RBFOX1: variants seen among roughly 807,000 people sequenced by gnomAD.
RBFOX1 encodes the protein RNA binding fox-1 homolog 1, also known as RNA binding protein fox-1 homolog 1.
Under a neutral mutation model 57.7 loss-of-function variants are expected in RBFOX1, and 8 were observed. That is an observed-to-expected ratio of 0.14 (90% CI 0.08 to 0.25). RBFOX1 has a LOEUF of 0.25. Ranked by LOEUF, RBFOX1 falls within the 10% of genes least tolerant of loss-of-function variation. The pLI is 1.00. For synonymous variants in RBFOX1, 326 were observed against 222.4 expected (o/e 1.47, Z -4.15); for missense variants, 611 against 548.5 (o/e 1.11, Z -1.14).
chr16:6,520,182 A>G (rs924431895), intron 2 of RBFOX1, among the ~76,000 whole-genome samples: 15 of 152,224 alleles, frequency 9.9e-5, no homozygotes, highest in African/African-American at 2.7e-4. Context: ...TCTTCTCTAA[A>G]TTAAAAGCTT....
At chr16:7,073,296 G>A (rs1267742605) in intron 4 of RBFOX1, among the ~76,000 whole-genome samples, 1 of 152,120 alleles carries the variant, frequency 6.6e-6, no homozygotes, top group Non-Finnish European at 1.5e-5. Flanking sequence ...GCTCTTTTCA[G>A]AAAATGTCAG....
chr16:5,960,037 C>A (rs146295412), intron 4 of RBFOX1, among the ~76,000 whole-genome samples: 4 of 152,060 alleles, frequency 2.6e-5, no homozygotes, highest in Non-Finnish European at 5.9e-5. Context: ...CCCGTCTCTA[C>A]TATAAATAAA....
At chr16:6,905,414 A>T (rs572022143) in intron 3 of RBFOX1, among the ~76,000 whole-genome samples, 3 of 152,068 alleles carry the variant, frequency 2.0e-5, no homozygotes, top group Non-Finnish European at 2.9e-5. Flanking sequence ...TTAACTGAGC[A>T]TGGTGGCACA....
At chr16:7,415,287 T>A (rs2098467562) in intron 4 of RBFOX1, among the ~76,000 whole-genome samples, 1 of 152,214 alleles carries the variant, frequency 6.6e-6, no homozygotes, top group Admixed American at 6.5e-5. Context: ...CAGGTACCAC[T>A]GGCTAGCATT....
chr16:5,602,377 C>G (rs1371429730), downstream of RBFOX1, among the ~76,000 whole-genome samples: 1 of 152,152 alleles, frequency 6.6e-6, no homozygotes, highest in Non-Finnish European at 1.5e-5. Context: ...TGTAGTAGCA[C>G]AAATAATTTT....
intron 4 of RBFOX1, among the ~76,000 whole-genome samples, chr16:7,265,232 A>T (rs1018495285): frequency 1.3e-5 from 2 of 151,648 alleles, no homozygotes; most frequent in Non-Finnish European, 2.9e-5. Flanking sequence ...TCTCTTGCAG[A>T]TCTGGATACT....
intron 4 of RBFOX1, among the ~76,000 whole-genome samples, chr16:7,110,394 C>G (rs750981): frequency 0.55 from 82,703 of 151,626 alleles, 22,831 homozygotes; most frequent in South Asian, 0.69. Context: ...TTACAGTTGA[C>G]TACATTGAGG....
At chr16:6,248,434 G>A (rs573930000) in intron 1 of RBFOX1, among the ~76,000 whole-genome samples, 1 of 152,108 alleles carries the variant, frequency 6.6e-6, no homozygotes, top group Non-Finnish European at 1.5e-5. Flanking sequence ...TTAGCCATGG[G>A]ACATGGGTAT....
intron 2 of RBFOX1, among the ~76,000 whole-genome samples, chr16:6,619,380 C>G (rs1350987290): frequency 6.6e-6 from 1 of 152,124 alleles, no homozygotes; most frequent in African/African-American, 2.4e-5. Flanking sequence ...TATGCCAAGC[C>G]CCACATAAAA....
intron 3 of RBFOX1, among the ~76,000 whole-genome samples, chr16:5,847,063 C>T (rs573259777): frequency 4.6e-5 from 7 of 152,262 alleles, no homozygotes; most frequent in African/African-American, 1.7e-4. Context: ...CCCACTAGCT[C>T]TCTTGTAGCA....
chr16:5,919,555 G>T (rs564481398), intron 4 of RBFOX1, among the ~76,000 whole-genome samples: 1 of 152,230 alleles, frequency 6.6e-6, no homozygotes, highest in South Asian at 2.1e-4. Context: ...TGTTGGTCAG[G>T]TGGGTCCCAA....
intron 1 of RBFOX1, among the ~76,000 whole-genome samples, chr16:5,304,459 C>T (rs1311797040): frequency 1.3e-5 from 2 of 152,190 alleles, no homozygotes; most frequent in South Asian, 2.1e-4. Context: ...CTGACCTGTG[C>T]ACTTTAGGGG....
chr16:5,717,818 C>T (rs554475783), intron 3 of RBFOX1, among the ~76,000 whole-genome samples: 23 of 152,310 alleles, frequency 1.5e-4, no homozygotes, highest in African/African-American at 5.3e-4. Flanking sequence ...TTTATTCGAT[C>T]CTCACAACCA....
chr16:7,306,692 C>G (rs1366515246), intron 4 of RBFOX1, among the ~76,000 whole-genome samples: 1 of 152,098 alleles, frequency 6.6e-6, no homozygotes, highest in Non-Finnish European at 1.5e-5. Flanking sequence ...GGTTTTCTAG[C>G]CCTTCCTGGA....
intron 3 of RBFOX1, among the ~76,000 whole-genome samples, chr16:7,012,489 A>G (rs1327063359): frequency 6.6e-6 from 1 of 152,202 alleles, no homozygotes; most frequent in Admixed American, 6.5e-5. Flanking sequence ...TTCCCAAGCC[A>G]TGTTAATAAC....
chr16:5,760,933 G>A (rs1369818658), intron 3 of RBFOX1, among the ~76,000 whole-genome samples: 3 of 152,172 alleles, frequency 2.0e-5, no homozygotes, highest in African/African-American at 7.2e-5. Flanking sequence ...ACAACATTGT[G>A]AGTTCACTGA....
intron 3 of RBFOX1, among the ~76,000 whole-genome samples, chr16:6,675,345 G>T (rs2057451931): frequency 6.6e-6 from 1 of 152,182 alleles, no homozygotes; most frequent in Non-Finnish European, 1.5e-5. Context: ...AATGTCATCA[G>T]AAGTGTATCT....
intron 4 of RBFOX1, among the ~76,000 whole-genome samples, chr16:7,406,718 T>C (rs1385273115): frequency 6.6e-6 from 1 of 152,204 alleles, no homozygotes; most frequent in Non-Finnish European, 1.5e-5. Context: ...TTACTACAAA[T>C]TCCGTGGCTT....
intron 2 of RBFOX1, among the ~76,000 whole-genome samples, chr16:6,441,981 A>C (rs893438594): frequency 6.6e-6 from 1 of 152,202 alleles, no homozygotes; most frequent in African/African-American, 2.4e-5. Flanking sequence ...ACAATTCCAC[A>C]TGCCTGTGAG....
Sources: gnomAD v4.1 joint callset for allele counts (sites outside exome capture counted in the v4.1 genomes callset) on GRCh38, gnomAD v4.1.1 for gene constraint, MANE v1.5 for transcripts, NCBI Gene and HGNC (gene_info 2026-07-23, HGNC 2026-07-21) for gene names.